Variants in SLC2A9 observed in about 807,000 individuals in gnomAD.
SLC2A9 encodes solute carrier family 2, facilitated glucose transporter member 9.
Under a neutral mutation model 50.6 loss-of-function variants are expected in SLC2A9, and 39 were observed. The ratio of observed to expected loss-of-function variants is 0.77; its 90% CI spans 0.60 to 1.01. SLC2A9 has a LOEUF of 1.01. SLC2A9 is among the 50% of genes least tolerant of loss of function. The pLI, the probability that SLC2A9 is intolerant of heterozygous loss-of-function variation, is 0.00. For missense variants in SLC2A9, 686 were observed against 677.6 expected (o/e 1.01, Z -0.14); for synonymous variants, 324 against 276.9 (o/e 1.17, Z -1.69).
At chr4:9,985,640 G>T (rs1422541609) in intron 4 of SLC2A9, 29 bp downstream of exon 4, 1 of 1,613,782 alleles carries the variant, frequency 6.2e-7, no homozygotes, top group Non-Finnish European at 8.5e-7. Flanking sequence ...GTATGTTACT[G>T]TTCCCTCCCC....
intron 5 of SLC2A9, among the ~76,000 whole-genome samples, chr4:9,973,531 A>G (rs1309686435): frequency 6.6e-6 from 1 of 152,128 alleles, no homozygotes; most frequent in Non-Finnish European, 1.5e-5. Flanking sequence ...CTATGCAGCC[A>G]TGAAAAATGA....
At chr4:9,926,959 T>C (rs1469513317) in intron 6 of SLC2A9, among the ~76,000 whole-genome samples, 1 of 151,612 alleles carries the variant, frequency 6.6e-6, no homozygotes, top group Non-Finnish European at 1.5e-5. Flanking sequence ...AGAGGGAGCA[T>C]GGCCCTGCTG....
intron 3 of SLC2A9, among the ~76,000 whole-genome samples, chr4:9,994,657 A>G (rs1412796419): frequency 6.6e-6 from 1 of 150,532 alleles, no homozygotes; most frequent in African/African-American, 2.5e-5. Flanking sequence ...GCTGGCTGAG[A>G]AGTGAGGTGT....
intron 2 of SLC2A9, among the ~76,000 whole-genome samples, chr4:10,016,433 T>C (rs1762620063): frequency 6.6e-6 from 1 of 152,142 alleles, no homozygotes; most frequent in Non-Finnish European, 1.5e-5. Context: ...GATTAACGCA[T>C]GAAAAGTACA....
intron 3 of SLC2A9, among the ~76,000 whole-genome samples, chr4:9,789,050 T>C (rs957168958): frequency 1.1e-4 from 17 of 152,230 alleles, no homozygotes; most frequent in African/African-American, 4.1e-4. Flanking sequence ...CATATGTGCA[T>C]ATACACATAT....
upstream of SLC2A9, chr4:10,025,691 C>G: frequency 5.3e-6 from 3 of 570,646 alleles, no homozygotes; most frequent in Non-Finnish European, 9.4e-6. Context: ...ACCAGCAGAT[C>G]AGGACTGTCA....
intron 3 of SLC2A9, among the ~76,000 whole-genome samples, chr4:9,818,219 C>T (rs557318130): frequency 1.4e-5 from 2 of 143,250 alleles, no homozygotes; most frequent in Non-Finnish European, 3.0e-5. Flanking sequence ...ATGGGGCCAA[C>T]CATTATGTCC....
chr4:9,891,178 T>C (rs541321987), intron 8 of SLC2A9, among the ~76,000 whole-genome samples: 1 of 152,310 alleles, frequency 6.6e-6, no homozygotes, highest in East Asian at 1.9e-4. Flanking sequence ...TGCCTGTGTC[T>C]GGGGAAGTCA....
At chr4:9,884,086 C>G (rs563215514) in intron 10 of SLC2A9, among the ~76,000 whole-genome samples, 1 of 152,326 alleles carries the variant, frequency 6.6e-6, no homozygotes, top group South Asian at 2.1e-4. Context: ...ACCTGGGACA[C>G]TAGCCATGGG....
chr4:10,029,934 C>A (rs917833726), intron 1 of SLC2A9, among the ~76,000 whole-genome samples: 2 of 152,062 alleles, frequency 1.3e-5, no homozygotes, highest in Admixed American at 1.3e-4. Flanking sequence ...CCATGGCTGG[C>A]AGAGATAAAT....
At chr4:10,016,899 CTTT>C (rs1208460354) in intron 2 of SLC2A9, among the ~76,000 whole-genome samples, 1 of 152,108 alleles carries the variant, frequency 6.6e-6, no homozygotes, top group Non-Finnish European at 1.5e-5. Context: ...AGGCCCTCTT[CTTT>C]TGACTCCATC....
chr4:9,853,276 C>T (rs1730248297), intron 10 of SLC2A9, among the ~76,000 whole-genome samples: 1 of 151,930 alleles, frequency 6.6e-6, no homozygotes, highest in South Asian at 2.1e-4. Context: ...TCAGTGACAC[C>T]CGTAGACTCA....
intron 10 of SLC2A9, among the ~76,000 whole-genome samples, chr4:9,858,965 C>A (rs893459692): frequency 6.6e-6 from 1 of 152,128 alleles, no homozygotes; most frequent in Non-Finnish European, 1.5e-5. Flanking sequence ...TGCTTCCTGC[C>A]CTTGAACATC....
In SLC2A9 at chr4:9,944,952, G is replaced by A. The variant is rs528074836; in HGVS notation, c.682-2907C>T. On this transcript the variant is annotated intron_variant, in intron 5 of 11. Coordinates refer to ENST00000264784, the MANE Select transcript of SLC2A9 (RefSeq NM_020041.3). ...AATAAAAATAGCTAGGATGACCTGC[G>A]CACACGTCATCTCAATGAGTAAGTG... Among the ~76,000 whole-genome samples the A allele has an allele frequency of 3.9e-5, 6 of 152,316 alleles. No homozygotes were observed. The South Asian group carries it at 6.2e-4, about 16-fold the overall frequency.
intron 10 of SLC2A9, among the ~76,000 whole-genome samples, chr4:9,839,285 T>C (rs1312907427): frequency 2.0e-5 from 3 of 152,184 alleles, no homozygotes; most frequent in Non-Finnish European, 2.9e-5. Context: ...CACAATGAGA[T>C]ACCATCTCAC....
At chr4:9,772,338 GTAT>G (rs1286612042) in intron 1 of SLC2A9, among the ~76,000 whole-genome samples, 10 of 152,366 alleles carry the variant, frequency 6.6e-5, no homozygotes, top group Admixed American at 5.2e-4. Context: ...TTGTCAAGAT[GTAT>G]TATTGGCTCA....
chr4:9,771,482 A>G (rs1716806821), intron 1 of SLC2A9: 1 of 398,924 alleles, frequency 2.5e-6, no homozygotes. Context: ...AGTACCCAAC[A>G]CAACTGCCAA....
At chr4:9,900,576 A>C (rs1325719523) in intron 8 of SLC2A9, among the ~76,000 whole-genome samples, 3 of 152,068 alleles carry the variant, frequency 2.0e-5, no homozygotes, top group African/African-American at 7.2e-5. Flanking sequence ...TCCCTTCCTC[A>C]TCCCCACCCA....
At chr4:10,004,140 G>C (rs1046794914) in intron 2 of SLC2A9, among the ~76,000 whole-genome samples, 1 of 152,242 alleles carries the variant, frequency 6.6e-6, no homozygotes, top group Non-Finnish European at 1.5e-5. Context: ...GAGAAGAGGA[G>C]ACATGGAATG....
Sources: allele counts gnomAD v4.1 joint callset (sites outside exome capture counted in the v4.1 genomes callset), GRCh38; gene constraint gnomAD v4.1.1; transcripts MANE v1.5; gene names NCBI Gene and HGNC (gene_info 2026-07-23, HGNC 2026-07-21).